Variants in MVB12B observed in about 807,000 individuals in gnomAD.
MVB12B encodes ESCRT-I complex subunit MVB12B.
Under a neutral mutation model 41.6 loss-of-function variants are expected in MVB12B, and 16 were observed. That is an observed-to-expected ratio of 0.38 (90% confidence interval 0.26 to 0.58). MVB12B has a LOEUF of 0.58. Among genes scored for constraint, MVB12B ranks in the 20% least tolerant of loss-of-function variants. The probability of loss-of-function intolerance (pLI) is 0.62; values close to 1 mark genes in which losing one functional copy is unlikely to be tolerated. For synonymous variants in MVB12B, 133 were observed against 139.7 expected, an observed-to-expected ratio of 0.95 and a Z score of 0.34; for missense variants, 274 against 380.2, an observed-to-expected ratio of 0.72 and a Z score of 2.32.
intron 7 of MVB12B, among the ~76,000 whole-genome samples, chr9:126,457,823 T>A (rs1833013372): frequency 6.6e-6 from 1 of 152,202 alleles, no homozygotes; most frequent in Non-Finnish European, 1.5e-5. Context: ...TTTCTGAACC[T>A]TAGGCACAAA....
At chr9:126,451,160 C>T (rs970450370) in intron 7 of MVB12B, among the ~76,000 whole-genome samples, 1 of 152,204 alleles carries the variant, frequency 6.6e-6, no homozygotes, top group African/African-American at 2.4e-5. Flanking sequence ...CCTTGCCTTT[C>T]ACACCACCAC....
At chr9:126,351,248 C>G (rs1829738678) in intron 2 of MVB12B, among the ~76,000 whole-genome samples, 1 of 152,126 alleles carries the variant, frequency 6.6e-6, no homozygotes, top group Non-Finnish European at 1.5e-5. Context: ...ATCCTGTGAC[C>G]TTGCTGCACT....
intron 6 of MVB12B, among the ~76,000 whole-genome samples, chr9:126,420,705 T>C (rs1831985752): frequency 6.6e-6 from 1 of 151,080 alleles, no homozygotes; most frequent in Non-Finnish European, 1.5e-5. Flanking sequence ...CGCCTCAGCT[T>C]CCCAAGTAGC....
intron 6 of MVB12B, among the ~76,000 whole-genome samples, chr9:126,412,907 C>T (rs1831693632): frequency 6.6e-6 from 1 of 152,206 alleles, no homozygotes; most frequent in South Asian, 2.1e-4. Flanking sequence ...GGCATTTCTA[C>T]AGAAAAATCT....
intron 3 of MVB12B, among the ~76,000 whole-genome samples, chr9:126,382,440 CAG>C (rs1458106401): frequency 1.3e-5 from 2 of 152,162 alleles, no homozygotes; most frequent in African/African-American, 2.4e-5. Context: ...ATAATGGAGT[CAG>C]GGGAAATCTT....
intron 9 of MVB12B, among the ~76,000 whole-genome samples, chr9:126,491,163 G>C (rs1833722430): frequency 6.6e-6 from 1 of 152,340 alleles, no homozygotes; most frequent in East Asian, 1.9e-4. Flanking sequence ...TAATGAAAAT[G>C]CATTTGGCAG....
Position 126,397,484 on chromosome 9 carries a change from C to T in MVB12B, c.662+1787C>T, listed in dbSNP as rs114063328. On this transcript the variant is annotated intron_variant, in intron 6 of 9. Coordinates refer to ENST00000361171, the MANE Select transcript of MVB12B (RefSeq NM_033446.3). ...TGGTTTACAATGGCTGCAAGGAAAT[C>T]GGATCAGTTTTGTTTTACTTGCCAA... The T allele has an allele frequency of 2.1e-3, 2,067 of 985,428 alleles. 37 individuals are homozygous for T. The African/African-American group carries it at 0.033, about 16-fold the overall frequency. 61.0% of individuals were successfully genotyped at this position (985,428 alleles called of 1,614,324 possible). A position where few individuals can be genotyped will look rare whatever the true frequency, so the allele number is the denominator to read the frequency against.
chr9:126,454,468 C>T (rs577755527), intron 7 of MVB12B, among the ~76,000 whole-genome samples: 5 of 152,360 alleles, frequency 3.3e-5, no homozygotes, highest in Non-Finnish European at 5.9e-5. Context: ...CACTCTGCAG[C>T]TAATCCCATT....
intron 7 of MVB12B, among the ~76,000 whole-genome samples, chr9:126,476,969 G>A (rs751404802): frequency 1.3e-5 from 2 of 152,040 alleles, no homozygotes; most frequent in South Asian, 4.2e-4. Context: ...TGTGTGTTAG[G>A]CTGTTCTTAT....
rs1284451773 is a variant in MVB12B, at chr9:126,482,272, C to G, written c.813+848C>G. Among the ~76,000 whole-genome samples, 4 of 152,266 alleles carry G rather than the reference C, an allele frequency of 2.6e-5. No individual in the cohort carries two copies. In the East Asian group the frequency reaches 7.7e-4, roughly 29 times the overall value. On this transcript the variant is annotated intron_variant, in intron 8 of 9. Coordinates refer to ENST00000361171, the MANE Select transcript of MVB12B (RefSeq NM_033446.3). Reference sequence around the variant, plus strand: ...TTTGATCCTTTCTGCAGAAGTTGGCCTTGACTAGCTAATAAACATGAAGGC... The same window carrying G: ...TTTGATCCTTTCTGCAGAAGTTGGCGTTGACTAGCTAATAAACATGAAGGC...
At chr9:126,475,797 A>G (rs1833407837) in intron 7 of MVB12B, among the ~76,000 whole-genome samples, 1 of 152,180 alleles carries the variant, frequency 6.6e-6, no homozygotes, top group Non-Finnish European at 1.5e-5. Flanking sequence ...GGGCTGGGAA[A>G]GTCACTTGAG....
intron 2 of MVB12B, among the ~76,000 whole-genome samples, chr9:126,357,915 T>C (rs1219484718): frequency 3.3e-5 from 5 of 152,202 alleles, no homozygotes; most frequent in Admixed American, 1.3e-4. Context: ...GGTCAAGATT[T>C]TTCCTTCTAA....
intron 1 of MVB12B, among the ~76,000 whole-genome samples, chr9:126,334,058 C>T (rs916483640): frequency 5.9e-5 from 9 of 152,200 alleles, no homozygotes; most frequent in African/African-American, 1.9e-4. Flanking sequence ...TCCGTTTTAA[C>T]GACCTCTTCT....
intron 6 of MVB12B, among the ~76,000 whole-genome samples, chr9:126,399,916 C>T (rs935297498): frequency 2.0e-5 from 3 of 152,162 alleles, no homozygotes; most frequent in Admixed American, 2.0e-4. Flanking sequence ...CCATGGGAGG[C>T]GATGGGCGCA....
At chr9:126,419,317 AC>A (rs1383044665) in intron 6 of MVB12B, among the ~76,000 whole-genome samples, 6 of 152,116 alleles carry the variant, frequency 3.9e-5, no homozygotes, top group Non-Finnish European at 8.8e-5. Flanking sequence ...TATAGCACCT[AC>A]CCTGGATCCT....
chr9:126,450,104 G>A (rs1251992613), intron 7 of MVB12B, among the ~76,000 whole-genome samples: 2 of 152,258 alleles, frequency 1.3e-5, no homozygotes, highest in Non-Finnish European at 2.9e-5. Flanking sequence ...GAGCTCTGCA[G>A]TCAAGTTCAT....
At chr9:126,476,736 G>A (rs1032583319) in intron 7 of MVB12B, among the ~76,000 whole-genome samples, 1 of 151,774 alleles carries the variant, frequency 6.6e-6, no homozygotes, top group Non-Finnish European at 1.5e-5. Flanking sequence ...AATTAGCCGG[G>A]CATGGTGGCG....
chr9:126,362,164 T>C (rs1830046900), intron 2 of MVB12B, among the ~76,000 whole-genome samples: 1 of 152,182 alleles, frequency 6.6e-6, no homozygotes, highest in Admixed American at 6.5e-5. Flanking sequence ...TTCATCAAAT[T>C]TGTAATATTT....
chr9:126,410,970 C>G (rs1230067269), intron 6 of MVB12B, among the ~76,000 whole-genome samples: 1 of 151,310 alleles, frequency 6.6e-6, no homozygotes, highest in Non-Finnish European at 1.5e-5. Flanking sequence ...TTACTGCAGC[C>G]TCCACCTCCC....
Sources: allele counts gnomAD v4.1 joint callset (sites outside exome capture counted in the v4.1 genomes callset), GRCh38; gene constraint gnomAD v4.1.1; transcripts MANE v1.5; gene names NCBI Gene and HGNC (gene_info 2026-07-23, HGNC 2026-07-21).